CCDC51: variants seen among roughly 807,000 people sequenced by gnomAD.
CCDC51 encodes mitochondrial potassium channel.
In CCDC51, 25 loss-of-function variants were observed where a neutral mutation model predicts 24.8. That is an observed-to-expected ratio of 1.01 (90% CI 0.73 to 1.41). The LOEUF is 1.41. Ranked by LOEUF, CCDC51 falls within the 40% of genes most tolerant of loss-of-function variation. CCDC51 has a pLI of 0.00. For missense variants in CCDC51, 466 were observed against 519.1 expected (o/e 0.90, Z 0.99); for synonymous variants, 190 against 204.3 (o/e 0.93, Z 0.60).
chr3:48,435,102 G>A lies in CCDC51; in HGVS notation c.27C>T (p.Ala9=), dbSNP rs758549934. Residue 9 remains alanine (A), a synonymous_variant, in exon 2 of 4, where the codon GCC becomes GCT. Transcript: ENST00000395694. This position sits in a 1 kb window ranked among gnomAD's most constrained non-coding sequence, Gnocchi z 4.2. MMGRSPGF[A]MQHIVGVPHV... ...GGGGCACACCCACGATGTGCTGCAT[G>A]GCAAACCCAGGGCTGCGCCCCATCA... The A allele has an allele frequency of 4.4e-6, 7 of 1,598,444 alleles. No individual in the cohort carries two copies. The Admixed American group carries it at 6.9e-5, about 16-fold the overall frequency.
Position 48,433,041 on chromosome 3 carries a change from C to G in CCDC51, c.603G>C (p.Lys201Asn). The change falls in exon 4 of 4, where the codon AAG becomes AAC. Residue 201 changes from lysine (K) to asparagine (N), a missense_variant. Transcript: ENST00000395694. This position sits in a 1 kb window ranked among gnomAD's most constrained non-coding sequence, Gnocchi z 4.4. ...GGACTGAGCCAATGAGGGACCAGTT[C>G]TTGGTCCTCTCAGCCCTTGTGCGCT... ...EKERTRAERT[K>N]NWSLIGSVLG... 2 of 1,614,210 alleles carry G rather than the reference C, an allele frequency of 1.2e-6. No homozygotes were observed. The highest frequency in any genetic ancestry group is 1.7e-6 in the Non-Finnish European group (2 of 1,180,038).
Position 48,432,383 on chromosome 3 carries a change from G to A in CCDC51, c.*25C>T, listed in dbSNP as rs2107115647. On this transcript the variant is annotated 3_prime_UTR_variant, in exon 4 of 4. Transcript: ENST00000395694. ...ATCCACATTCACAGCTATTGCCTCA[G>A]ACCCTCTGGAGGAGGGGCCAGGGGT... is the stretch of plus-strand genomic sequence containing the variant. The A allele has an allele frequency of 6.2e-7, 1 of 1,611,300 alleles. No homozygotes were observed. The highest frequency in any genetic ancestry group is 8.5e-7 in the Non-Finnish European group (1 of 1,177,756).
upstream of CCDC51, among the ~76,000 whole-genome samples, chr3:48,443,037 C>G (rs1228317271): frequency 8.6e-5 from 13 of 151,578 alleles, 1 homozygote; most frequent in South Asian, 1.0e-3. Context: ...GTCTGGAGTT[C>G]GAGACCTGCC....
chr3:48,432,533 G>C lies in CCDC51; in HGVS notation c.1111C>G (p.Leu371Val). Residue 371 changes from leucine to valine, a missense_variant, in exon 4 of 4, where the codon CTG becomes GTG. Transcript: ENST00000395694. ...TCTAGTCTCTGCTCCGTGTCTGACAGTGCCAAGATCATGCTCCCCTGCTCC... is the reference window on the plus strand; with the variant it reads ...TCTAGTCTCTGCTCCGTGTCTGACACTGCCAAGATCATGCTCCCCTGCTCC... ...LLEQGSMILA[L>V]SDTEQRLEAQ... 1 of 1,614,246 alleles carries C rather than the reference G, an allele frequency of 6.2e-7. No individual in the cohort carries two copies. Among genetic ancestry groups the C allele is most frequent in the Non-Finnish European group, 8.5e-7 (1 of 1,180,054 alleles).
upstream of CCDC51, chr3:48,440,361 C>T (rs764198516): frequency 3.1e-6 from 5 of 1,611,704 alleles, no homozygotes; most frequent in South Asian, 1.1e-5. Flanking sequence ...GGGTGGGGAC[C>T]GGGCGGCAGG....
Position 48,440,119 on chromosome 3 carries a change from T to G in CCDC51, c.-140A>C, listed in dbSNP as rs2039517738. On this transcript the variant is annotated 5_prime_UTR_variant, in exon 1 of 4. Transcript: ENST00000395694. Reference sequence around the variant, plus strand: ...ACCTGGCGTGGCCCGACCAATCGTCTGCCACTCAGTTGACCTCTGACCTGT... The same window carrying G: ...ACCTGGCGTGGCCCGACCAATCGTCGGCCACTCAGTTGACCTCTGACCTGT... The G allele has an allele frequency of 5.8e-6, 6 of 1,027,712 alleles. No homozygotes were observed. The highest frequency in any genetic ancestry group is 8.2e-6 in the Non-Finnish European group (6 of 727,940). The allele number at this position is 1,027,712 out of a possible 1,614,324, so 63.7% of individuals were successfully genotyped here.
At chr3:48,434,542 A>G (rs1036353727) in intron 2 of CCDC51, among the ~76,000 whole-genome samples, 4 of 152,200 alleles carry the variant, frequency 2.6e-5, no homozygotes, top group Non-Finnish European at 4.4e-5. Flanking sequence ...AACTCTCACC[A>G]TCAATCCCCA....
upstream of CCDC51, among the ~76,000 whole-genome samples, chr3:48,442,677 C>A (rs2039597684): frequency 6.6e-6 from 1 of 151,966 alleles, no homozygotes. Flanking sequence ...GTCTCGATCT[C>A]CTGACCTCGT....
At chr3:48,443,988 G>A, upstream of CCDC51, 1 of 830,814 alleles carries the variant, frequency 1.2e-6, no homozygotes, top group South Asian at 3.6e-5. Flanking sequence ...GGAATTAAGT[G>A]TTGTCTTGGA....
chr3:48,442,237 G>A (rs2039586873), upstream of CCDC51, among the ~76,000 whole-genome samples: 2 of 148,556 alleles, frequency 1.3e-5, no homozygotes, highest in Non-Finnish European at 3.0e-5. Flanking sequence ...TTCCAGCCTG[G>A]GAGATAGAAT....
upstream of CCDC51, chr3:48,440,727 A>G (rs1018918969): frequency 9.0e-7 from 1 of 1,106,246 alleles, no homozygotes. Context: ...CTGAACTGCG[A>G]GGTCTCGTTT....
At chr3:48,440,332 G>A (rs758362313), upstream of CCDC51, 6 of 1,611,740 alleles carry the variant, frequency 3.7e-6, 1 homozygote, top group South Asian at 4.4e-5. Context: ...CCGGAACCGT[G>A]AGGACTGCGG....
At chr3:48,440,446 G>A (rs1484352758), upstream of CCDC51, 2 of 1,612,480 alleles carry the variant, frequency 1.2e-6, no homozygotes, top group Non-Finnish European at 1.7e-6. Flanking sequence ...AGCAGGCCAA[G>A]GAGATGGACG....
upstream of CCDC51, chr3:48,440,264 G>C: frequency 6.3e-7 from 1 of 1,584,142 alleles, no homozygotes. Context: ...TCCGTTTCCG[G>C]TGGCAGGGTC....
chr3:48,441,912 A>T (rs1264661134), upstream of CCDC51, among the ~76,000 whole-genome samples: 5 of 152,144 alleles, frequency 3.3e-5, no homozygotes, highest in African/African-American at 1.2e-4. Context: ...CAGCACTGAG[A>T]TTTCTAGCTC....
upstream of CCDC51, chr3:48,445,270 A>G (rs1395920290): frequency 6.6e-6 from 1 of 152,126 alleles, no homozygotes; most frequent in Non-Finnish European, 1.5e-5. Context: ...CTCTGAGAAT[A>G]TTGTCGAAGA....
At position 48,435,926 on chromosome 3, in the gene CCDC51, T is replaced by C. The variant is rs2015671; in HGVS notation, c.-8-790A>G. Among the ~76,000 whole-genome samples, 2,343 of 152,274 alleles carry C rather than the reference T, an allele frequency of 0.015. 57 individuals carry two copies. Among genetic ancestry groups the C allele is most frequent in the African/African-American group, 0.053 (2,187 of 41,550 alleles). ...TTCTCTTTCCTCTCCAACCTGCCAT[T>C]GCTCAACAGGTTAGGTTTCTCTCAT... On this transcript the variant is annotated intron_variant, in intron 1 of 3. Transcript: ENST00000395694. The surrounding 1 kb of genome is among the most constrained non-coding windows in gnomAD (Gnocchi z 4.2).
At chr3:48,439,007 C>A (rs1282898199) in intron 1 of CCDC51, among the ~76,000 whole-genome samples, 1 of 152,202 alleles carries the variant, frequency 6.6e-6, no homozygotes, top group East Asian at 1.9e-4. Flanking sequence ...GCCTTCACGA[C>A]AGCTGCTATC....
At chr3:48,443,172 C>T (rs970669942), upstream of CCDC51, among the ~76,000 whole-genome samples, 1 of 139,554 alleles carries the variant, frequency 7.2e-6, no homozygotes. Context: ...ACCTGGGAGG[C>T]GGAGGCTGCA....
Sources: gnomAD v4.1 joint callset for allele counts (sites outside exome capture counted in the v4.1 genomes callset) on GRCh38, gnomAD v4.1.1 for gene constraint, Gnocchi (gnomAD v3.1) non-coding constraint, MANE v1.5 for transcripts, NCBI Gene and HGNC (gene_info 2026-07-23, HGNC 2026-07-21) for gene names.